The following AFG2A variants were observed in gnomAD, a reference collection of about 807,000 sequenced individuals.
AFG2A encodes the protein AAA ATPase AFG2A.
chr4:123,027,566 A>G, the AFG2A span, among the ~76,000 whole-genome samples: 1 of 152,112 alleles, frequency 6.6e-6, no homozygotes, highest in Non-Finnish European at 1.5e-5. Flanking sequence ...GTGGTTGTTC[A>G]TGGTTACTGG....
the AFG2A span, among the ~76,000 whole-genome samples, chr4:123,056,621 A>G: frequency 6.6e-6 from 1 of 152,144 alleles, no homozygotes; most frequent in Non-Finnish European, 1.5e-5. Flanking sequence ...ATCATCTGCA[A>G]TACTTCAGTT....
the AFG2A span, among the ~76,000 whole-genome samples, chr4:123,063,519 G>T: frequency 6.6e-6 from 1 of 152,120 alleles, no homozygotes; most frequent in Admixed American, 6.6e-5. Flanking sequence ...GGCCGAAGTG[G>T]GCGGATCACG....
At chr4:122,923,388 C>G in the AFG2A span, 2 of 1,559,456 alleles carry the variant, frequency 1.3e-6, no homozygotes, top group Non-Finnish European at 1.7e-6. Flanking sequence ...ACTTGGGGTG[C>G]AGAGACTTTT....
At chr4:123,007,568 A>ATGTGTGTGTGTGTG in the AFG2A span, among the ~76,000 whole-genome samples, 1 of 91,736 alleles carries the variant, frequency 1.1e-5, no homozygotes, top group African/African-American at 5.3e-5. Flanking sequence ...GTGTGTGTAT[A>ATGTGTGTGTGTGTG]TGTGTGTGTG....
chr4:123,179,246 T>TC, the AFG2A span, among the ~76,000 whole-genome samples: 1 of 152,194 alleles, frequency 6.6e-6, no homozygotes, highest in East Asian at 1.9e-4. Flanking sequence ...ACAGGTTGCC[T>TC]CCCCACCTGG....
the AFG2A span, among the ~76,000 whole-genome samples, chr4:123,189,824 T>TTTTTTG: frequency 7.1e-6 from 1 of 140,612 alleles, no homozygotes; most frequent in African/African-American, 2.7e-5. Flanking sequence ...TTTTTTTTTT[T>TTTTTTG]TTTTTTTTTG....
At chr4:122,927,916 A>C in the AFG2A span, among the ~76,000 whole-genome samples, 1 of 152,232 alleles carries the variant, frequency 6.6e-6, no homozygotes, top group Non-Finnish European at 1.5e-5. Flanking sequence ...GCCAGTAAAC[A>C]TAAGGCAAAT....
At chr4:122,965,061 G>A in the AFG2A span, among the ~76,000 whole-genome samples, 1 of 152,122 alleles carries the variant, frequency 6.6e-6, no homozygotes, top group African/African-American at 2.4e-5. Context: ...ATATATGTGA[G>A]TATATCATTA....
the AFG2A span, among the ~76,000 whole-genome samples, chr4:123,203,208 G>A: frequency 6.6e-6 from 1 of 151,030 alleles, no homozygotes; most frequent in Non-Finnish European, 1.5e-5. Flanking sequence ...CTGGAGTGCA[G>A]TGGCATGATC....
At chr4:123,100,099 C>G in the AFG2A span, among the ~76,000 whole-genome samples, 1 of 151,834 alleles carries the variant, frequency 6.6e-6, no homozygotes, top group Non-Finnish European at 1.5e-5. Flanking sequence ...ACATAGAAGG[C>G]TCCATGGTCT....
At chr4:123,093,858 A>C in the AFG2A span, among the ~76,000 whole-genome samples, 1 of 152,190 alleles carries the variant, frequency 6.6e-6, no homozygotes, top group Non-Finnish European at 1.5e-5. Flanking sequence ...TAGAAGATAC[A>C]AACTTTAGTA....
the AFG2A span, among the ~76,000 whole-genome samples, chr4:123,302,881 G>A: frequency 1.3e-5 from 2 of 152,298 alleles, no homozygotes; most frequent in East Asian, 3.9e-4. Context: ...TTGAAGATTA[G>A]GTAGATGAGC....
At chr4:123,276,293 GT>G in the AFG2A span, among the ~76,000 whole-genome samples, 1 of 152,148 alleles carries the variant, frequency 6.6e-6, no homozygotes, top group African/African-American at 2.4e-5. Context: ...TCTTTTGAAA[GT>G]GTCTGTTCAT....
the AFG2A span, among the ~76,000 whole-genome samples, chr4:123,298,883 A>G: frequency 6.6e-6 from 1 of 152,208 alleles, no homozygotes. Context: ...CAGCAGCAAG[A>G]TGTTTTAAAA....
chr4:123,145,323 A>G, the AFG2A span, among the ~76,000 whole-genome samples: 1 of 144,110 alleles, frequency 6.9e-6, no homozygotes, highest in African/African-American at 2.4e-5. Context: ...AGAGGAACAT[A>G]CAGAGTAAAA....
the AFG2A span, among the ~76,000 whole-genome samples, chr4:123,098,505 C>T: frequency 1.0e-3 from 159 of 152,040 alleles, 3 homozygotes; most frequent in South Asian, 0.017. Context: ...TATCCTTTGA[C>T]CAATATCTTC....
At chr4:123,028,839 A>G in the AFG2A span, among the ~76,000 whole-genome samples, 1 of 152,362 alleles carries the variant, frequency 6.6e-6, no homozygotes, top group South Asian at 2.1e-4. Context: ...TTCAGAAAGT[A>G]TATGTGCATT....
the AFG2A span, among the ~76,000 whole-genome samples, chr4:123,075,393 G>C: frequency 6.6e-6 from 1 of 151,566 alleles, no homozygotes; most frequent in Non-Finnish European, 1.5e-5. Flanking sequence ...TCGCCTCCCA[G>C]GTTCAAGCGA....
At chr4:123,070,167 C>T in the AFG2A span, among the ~76,000 whole-genome samples, 18 of 152,186 alleles carry the variant, frequency 1.2e-4, no homozygotes, top group African/African-American at 4.3e-4. Flanking sequence ...ATCACACACC[C>T]GTTAGTTTAA....
Sources: allele counts gnomAD v4.1 joint callset (sites outside exome capture counted in the v4.1 genomes callset), GRCh38; gene constraint gnomAD v4.1.1; transcripts MANE v1.5; gene names NCBI Gene and HGNC (gene_info 2026-07-23, HGNC 2026-07-21).